C7: variants seen among roughly 807,000 people sequenced by gnomAD.
C7 encodes the protein complement C7.
A neutral mutation model predicts 104.8 loss-of-function variants in C7; 83 were observed. The observed-to-expected ratio is 0.79, with a 90% confidence interval of 0.66 to 0.95. The LOEUF (loss-of-function observed/expected upper bound fraction) is 0.95, where lower values mean the gene tolerates loss of function less well. Among genes scored for constraint, C7 ranks in the 40% least tolerant of loss-of-function variants. C7 has a pLI of 0.00. For synonymous variants in C7, 415 were observed against 360.6 expected (o/e 1.15, Z -1.71); for missense variants, 1,070 against 1,011.2 (o/e 1.06, Z -0.79).
chr5:40,953,996 C>T (rs1354925784), intron 9 of C7, among the ~76,000 whole-genome samples: 2 of 90,122 alleles, frequency 2.2e-5, no homozygotes, highest in Admixed American at 1.2e-4. Context: ...GAAATGAAAA[C>T]CACTCAAAAT....
intron 14 of C7, among the ~76,000 whole-genome samples, chr5:40,970,067 T>C (rs1403745660): frequency 1.3e-5 from 2 of 152,052 alleles, no homozygotes; most frequent in African/African-American, 4.8e-5. Context: ...CTTTGCTGTG[T>C]CCCAAGCAGT....
intron 8 of C7, among the ~76,000 whole-genome samples, chr5:40,948,758 C>T (rs898775390): frequency 1.3e-5 from 2 of 152,162 alleles, no homozygotes; most frequent in African/African-American, 4.8e-5. Flanking sequence ...CTGATGCCCA[C>T]ATTTCCCTCT....
At chr5:40,977,601 G>A (rs1078374) in intron 16 of C7, among the ~76,000 whole-genome samples, 105,536 of 151,944 alleles carry the variant, frequency 0.69, 37,104 homozygotes, top group South Asian at 0.85. Context: ...GACTTCAGAG[G>A]TCCCACAGGC....
intron 2 of C7, among the ~76,000 whole-genome samples, chr5:40,929,625 G>T (rs935469415): frequency 1.3e-5 from 2 of 152,124 alleles, no homozygotes; most frequent in South Asian, 4.1e-4. Context: ...AGGAATACTA[G>T]TTCTTTTATT....
chr5:40,964,002 A>T (rs1237444404), intron 13 of C7, among the ~76,000 whole-genome samples: 1 of 144,334 alleles, frequency 6.9e-6, no homozygotes, highest in Non-Finnish European at 1.5e-5. Context: ...CAGTATTGTC[A>T]ATGAACAGCT....
chr5:40,944,955 T>C lies in C7; in HGVS notation c.568-243T>C, dbSNP rs1057106491. On this transcript the variant is annotated intron_variant, in intron 6 of 17. Transcript: ENST00000313164. Reference sequence around the variant, plus strand: ...AAGGAACATGGAAGTTGTTTGTACCTAAATGCATTTTGTGAGTCACTTGGG... The same window carrying C: ...AAGGAACATGGAAGTTGTTTGTACCCAAATGCATTTTGTGAGTCACTTGGG... Among the ~76,000 whole-genome samples the C allele has an allele frequency of 4.6e-5, 7 of 152,352 alleles. No individual in the cohort carries two copies. In the East Asian group the frequency reaches 1.3e-3, roughly 29 times the overall value.
At chr5:40,926,929 C>T (rs1006749632) in intron 1 of C7, among the ~76,000 whole-genome samples, 3 of 148,496 alleles carry the variant, frequency 2.0e-5, no homozygotes, top group Non-Finnish European at 4.4e-5. Context: ...CAAAAAAACC[C>T]AAATGGCTAA....
chr5:40,973,106 C>T (rs75020003), intron 15 of C7, among the ~76,000 whole-genome samples: 1,692 of 152,120 alleles, frequency 0.011, 36 homozygotes, highest in African/African-American at 0.038. Flanking sequence ...TGTTGTGATT[C>T]ATGAAATTGT....
intron 10 of C7, among the ~76,000 whole-genome samples, chr5:40,957,379 C>G (rs1272771467): frequency 6.6e-6 from 1 of 152,202 alleles, no homozygotes; most frequent in Non-Finnish European, 1.5e-5. Context: ...TTAAATCTCT[C>G]AGTCAGGAAA....
At chr5:40,938,718 C>A (rs1488224988) in intron 6 of C7, among the ~76,000 whole-genome samples, 1 of 152,194 alleles carries the variant, frequency 6.6e-6, no homozygotes, top group Non-Finnish European at 1.5e-5. Context: ...TCTCCTCTGT[C>A]TCCAGGCTTC....
chr5:40,954,794 G>T lies in C7; in HGVS notation c.1094-593G>T, dbSNP rs189404036. 1.8e-3 allele frequency: 280 copies of T among 151,566 alleles called. 2 individuals carry two copies. Among genetic ancestry groups the T allele is most frequent in the African/African-American group, 7.8e-3 (263 of 33,748 alleles). 9.4% of individuals were successfully genotyped at this position (151,566 alleles called of 1,614,324 possible). A position where few individuals can be genotyped will look rare whatever the true frequency, so the allele number is the denominator to read the frequency against. ...AGCTACTCAGGAGGCTGAGGCATGA[G>T]AATTGCTTGAACCTGGGGGGCAGAG... On this transcript the variant is annotated intron_variant, in intron 9 of 17. Transcript: ENST00000313164.
At chr5:40,919,008 C>T (rs1235170224) in intron 1 of C7, among the ~76,000 whole-genome samples, 1 of 149,550 alleles carries the variant, frequency 6.7e-6, no homozygotes, top group Non-Finnish European at 1.5e-5. Context: ...TTCCATCCAA[C>T]AGCAACAGAA....
At position 40,945,363 on chromosome 5, in the gene C7, G is replaced by A. The variant is rs151097629; in HGVS notation, c.733G>A (p.Gly245Arg). 29 of 1,580,434 alleles carry A rather than the reference G, an allele frequency of 1.8e-5. No individual in the cohort carries two copies. In the African/African-American group the frequency reaches 3.4e-4, roughly 19 times the overall value. Residue 245 changes from glycine to arginine, a missense_variant, in exon 7 of 18, where the codon GGA becomes AGA. Transcript: ENST00000313164. Reference sequence around the variant, plus strand: ...TTCACATACCAATGAAATCCATAAAGGAAAGGTTAGTATAAAATGTCAGTT... The same window carrying A: ...TTCACATACCAATGAAATCCATAAAAGAAAGGTTAGTATAAAATGTCAGTT... ...YTSHTNEIHK[G>R]KSYQLLVVEN...
At position 40,981,669 on chromosome 5, in the gene C7, T is replaced by A. The variant is rs201933841; in HGVS notation, c.*96T>A. On this transcript the variant is annotated 3_prime_UTR_variant, in exon 18 of 18. Coordinates refer to ENST00000313164, the MANE Select transcript of C7 (RefSeq NM_000587.4). Reference sequence around the variant, plus strand: ...AACTGGGCACTGGACAGCTTTTCCTTCTTCTCCAGTGTCTACCTTCCTCCT... The same window carrying A: ...AACTGGGCACTGGACAGCTTTTCCTACTTCTCCAGTGTCTACCTTCCTCCT... 2 of 577,818 alleles carry A rather than the reference T, an allele frequency of 3.5e-6. No individual in the cohort carries two copies. Among genetic ancestry groups the A allele is most frequent in the Non-Finnish European group, 4.8e-6 (2 of 415,456 alleles). The allele number at this position is 577,818 out of a possible 1,614,324, so 35.8% of individuals were successfully genotyped here.
rs1470662729 is a variant in C7 at position 40,945,346 on chromosome 5, C to G, written c.716C>G (p.Thr239Ser). 6.3e-7 allele frequency: 1 copy of G among 1,592,642 alleles called. No homozygotes were observed. Among genetic ancestry groups the G allele is most frequent in the South Asian group, 1.2e-5 (1 of 85,152 alleles). Residue 239 changes from threonine (T) to serine (S), a missense_variant, in exon 7 of 18, where the codon ACC (threonine) becomes AGC (serine). Transcript: ENST00000313164. Reference sequence around the variant, plus strand: ...TCTTCACGCAGTTATACTTCACATACCAATGAAATCCATAAAGGAAAGGTT... The same window carrying G: ...TCTTCACGCAGTTATACTTCACATAGCAATGAAATCCATAAAGGAAAGGTT... ...SSSSRSYTSHTNEIHKGKSYQ... is the reference protein window; with the variant it reads ...SSSSRSYTSHSNEIHKGKSYQ...
chr5:40,940,618 G>T (rs1739915595), intron 6 of C7, among the ~76,000 whole-genome samples: 1 of 152,068 alleles, frequency 6.6e-6, no homozygotes, highest in African/African-American at 2.4e-5. Context: ...TTCCTCTGTT[G>T]GTATGAGGAC....
chr5:40,928,514 T>C, intron 1 of C7, 66 bp from the exon 2 acceptor site: 1 of 881,126 alleles, frequency 1.1e-6, no homozygotes, highest in Admixed American at 2.5e-5. Context: ...CAATTATAAA[T>C]TGTCAATTTA....
chr5:40,913,309 G>GAA (rs1739248989), intron 1 of C7, among the ~76,000 whole-genome samples: 2 of 152,040 alleles, frequency 1.3e-5, no homozygotes, highest in Non-Finnish European at 2.9e-5. Flanking sequence ...TTTCCTTTGG[G>GAA]TAGATACCCA....
intron 6 of C7, among the ~76,000 whole-genome samples, chr5:40,942,592 GA>G (rs541649135): frequency 8.5e-5 from 13 of 152,060 alleles, no homozygotes; most frequent in African/African-American, 2.9e-4. Context: ...ATTGAATTTT[GA>G]AAAATTTTCA....
Sources: gnomAD v4.1 joint callset for allele counts (sites outside exome capture counted in the v4.1 genomes callset) on GRCh38, gnomAD v4.1.1 for gene constraint, MANE v1.5 for transcripts, NCBI Gene and HGNC (gene_info 2026-07-23, HGNC 2026-07-21) for gene names.